Variants in SYNE2 observed in about 807,000 individuals in gnomAD.
SYNE2 encodes the protein spectrin repeat containing nuclear envelope protein 2, also known as nesprin-2.
In SYNE2, 431 loss-of-function variants were observed where a neutral mutation model predicts 856.3. The observed-to-expected ratio is 0.50, with a 90% CI of 0.47 to 0.55. SYNE2 has a LOEUF of 0.55. SYNE2 is among the 20% of genes least tolerant of loss of function. The probability of loss-of-function intolerance (pLI) is 0.00; values close to 1 mark genes in which losing one functional copy is unlikely to be tolerated. For synonymous variants in SYNE2, 2,923 were observed against 2,872.3 expected (o/e 1.02, Z -0.56); for missense variants, 8,129 against 8,023.2 (o/e 1.01, Z -0.50).
At chr14:63,934,215 G>T (rs947624188) in intron 2 of SYNE2, among the ~76,000 whole-genome samples, 1 of 152,110 alleles carries the variant, frequency 6.6e-6, no homozygotes, top group Non-Finnish European at 1.5e-5. Context: ...TTTCATTTGT[G>T]CACTGTCTCC....
At chr14:64,153,914 A>G (rs1003112913) in intron 85 of SYNE2, among the ~76,000 whole-genome samples, 8 of 152,200 alleles carry the variant, frequency 5.3e-5, no homozygotes, top group African/African-American at 1.9e-4. Context: ...GGATCCTCAG[A>G]CAATTTAATG....
chr14:63,981,133 G>A lies in SYNE2; in HGVS notation c.1796G>A (p.Arg599Lys). 4 of 1,613,780 alleles carry A rather than the reference G, an allele frequency of 2.5e-6. No individual in the cohort carries two copies. The highest frequency in any genetic ancestry group is 3.4e-6 in the Non-Finnish European group (4 of 1,179,804). Residue 599 changes from arginine to lysine, a missense_variant, in exon 16 of 116, where the codon AGG becomes AAG. By Grantham distance (26) the Arg-to-Lys change is conservative (BLOSUM62 2). Coordinates refer to ENST00000555002, the MANE Select transcript of SYNE2 (RefSeq NM_182914.3). ...TATGTGGAAAACCTTCGCTTACTAA[G>A]GGCTTGCTTTGAGGAGACAAAGAAG... ...ATYVENLRLL[R>K]ACFEETKKEE...
At chr14:63,965,636 G>A (rs2096381008) in intron 10 of SYNE2, among the ~76,000 whole-genome samples, 1 of 152,188 alleles carries the variant, frequency 6.6e-6, no homozygotes, top group South Asian at 2.1e-4. Context: ...ACCCCACACA[G>A]CACTTAGCAC....
intron 27 of SYNE2, 36 bp from the exon 28 acceptor site, chr14:64,000,526 C>T (rs1221841848): frequency 6.4e-7 from 1 of 1,573,246 alleles, no homozygotes; most frequent in Non-Finnish European, 8.7e-7. Flanking sequence ...CTATTAACCC[C>T]ATTAGTTGAT....
At chr14:64,211,320 T>C (rs576905880) in intron 103 of SYNE2, among the ~76,000 whole-genome samples, 1 of 152,360 alleles carries the variant, frequency 6.6e-6, no homozygotes, top group East Asian at 1.9e-4. Context: ...GTGGCTAATC[T>C]GCCTTCGTTT....
chr14:64,159,466 A>G, intron 87 of SYNE2, 24 bp downstream of exon 87: 1 of 1,611,224 alleles, frequency 6.2e-7, no homozygotes, highest in Non-Finnish European at 8.5e-7. Context: ...TATAATTTGA[A>G]TGATAGATAT....
At position 64,159,299 on chromosome 14, in the gene SYNE2, TTG is replaced by T. The variant is rs1205823094; in HGVS notation, c.15964-9_15964-8del. ...CCATTCTGAAACTTAAATTTCTTGT[TTG>T]TGTCTCTTAGTCTCTGCAAGATGAA... On this transcript the variant is annotated splice_polypyrimidine_tract_variant and intron_variant, in intron 86 of 115. Transcript: ENST00000555002. 7 of 1,613,638 alleles carry T rather than the reference TTG, an allele frequency of 4.3e-6. No individual in the cohort carries two copies. Among genetic ancestry groups the T allele is most frequent in the Admixed American group, 1.7e-5 (1 of 59,998 alleles).
chr14:63,768,104 T>C (rs1341092695), intron 1 of SYNE2, among the ~76,000 whole-genome samples: 1 of 151,806 alleles, frequency 6.6e-6, no homozygotes, highest in Non-Finnish European at 1.5e-5. Flanking sequence ...TGAGGTGGGA[T>C]CGCTTGAGCC....
chr14:63,825,223 A>G (rs1889378387), intron 1 of SYNE2, among the ~76,000 whole-genome samples: 1 of 152,206 alleles, frequency 6.6e-6, no homozygotes, highest in Non-Finnish European at 1.5e-5. Context: ...GGAACAAAGC[A>G]AGGAGGTATA....
intron 2 of SYNE2, 82 bp downstream of exon 2, chr14:63,909,309 C>T (rs377295988): frequency 1.6e-5 from 15 of 917,220 alleles, no homozygotes; most frequent in Non-Finnish European, 2.2e-5. Flanking sequence ...CACTGATTTT[C>T]GTCTCTCTTA....
chr14:63,770,924 T>A (rs1244091718), intron 1 of SYNE2, among the ~76,000 whole-genome samples: 1 of 152,164 alleles, frequency 6.6e-6, no homozygotes, highest in African/African-American at 2.4e-5. Flanking sequence ...CAGGTTGGTC[T>A]TCATCTCCTG....
At chr14:64,159,473 ATATCTT>A (rs2098311556) in intron 87 of SYNE2, 31 bp downstream of exon 87, 5 of 1,609,864 alleles carry the variant, frequency 3.1e-6, no homozygotes, top group South Asian at 1.1e-5. Context: ...TGAATGATAG[ATATCTT>A]TATCTTAATG....
chr14:64,085,551 C>T (rs2097554963), intron 57 of SYNE2, among the ~76,000 whole-genome samples: 1 of 152,166 alleles, frequency 6.6e-6, no homozygotes, highest in East Asian at 1.9e-4. Flanking sequence ...AAAGTAGGAT[C>T]TCTGACTTTT....
intron 96 of SYNE2, among the ~76,000 whole-genome samples, chr14:64,181,317 T>C (rs781696683): frequency 3.3e-5 from 5 of 152,194 alleles, no homozygotes; most frequent in African/African-American, 1.2e-4. Context: ...CATCCCTACC[T>C]CATTAGGCTT....
intron 19 of SYNE2, among the ~76,000 whole-genome samples, chr14:63,988,240 G>A (rs2096640448): frequency 6.6e-6 from 1 of 152,166 alleles, no homozygotes; most frequent in Non-Finnish European, 1.5e-5. Context: ...ATCACGCCCA[G>A]CTAATTCTTA....
At chr14:63,973,176 C>G (rs972229147) in intron 11 of SYNE2, among the ~76,000 whole-genome samples, 2 of 152,114 alleles carry the variant, frequency 1.3e-5, no homozygotes, top group African/African-American at 4.8e-5. Flanking sequence ...ATCGCTTGCA[C>G]CTGGTAGGCG....
intron 1 of SYNE2, among the ~76,000 whole-genome samples, chr14:63,843,994 C>G (rs1221859414): frequency 6.6e-6 from 1 of 152,156 alleles, no homozygotes; most frequent in East Asian, 1.9e-4. Flanking sequence ...GCATCCGGCA[C>G]CAGAGTTTAC....
intron 11 of SYNE2, among the ~76,000 whole-genome samples, chr14:63,974,780 G>GTGTGTATATA (rs2096518212): frequency 8.5e-6 from 1 of 117,740 alleles, no homozygotes; most frequent in African/African-American, 4.0e-5. Context: ...ATATATATAT[G>GTGTGTATATA]TGTGTATATA....
In SYNE2 at chr14:64,191,015, A is replaced by G. The variant is rs933277233; in HGVS notation, c.18038+778A>G. 36 of 702,378 alleles carry G rather than the reference A, an allele frequency of 5.1e-5. No homozygotes were observed. In the African/African-American group the frequency reaches 5.9e-4, roughly 12 times the overall value. 43.5% of individuals were successfully genotyped at this position (702,378 alleles called of 1,614,324 possible). On this transcript the variant is annotated intron_variant, in intron 99 of 115. Coordinates refer to ENST00000555002, the MANE Select transcript of SYNE2 (RefSeq NM_182914.3). ...GTGCAGCTGTGCTTCCACTGGCCAC[A>G]CGGGTCCTTTCCATAGCAGTGTGCT...
Sources: gnomAD v4.1 joint callset for allele counts (sites outside exome capture counted in the v4.1 genomes callset) on GRCh38, gnomAD v4.1.1 for gene constraint, MANE v1.5 for transcripts, NCBI Gene and HGNC (gene_info 2026-07-23, HGNC 2026-07-21) for gene names.